The following ZNF528 variants were observed in gnomAD, a reference collection of about 807,000 sequenced individuals.
ZNF528 encodes the protein zinc finger protein 528.
A neutral mutation model predicts 13.3 loss-of-function variants in ZNF528; 9 were observed. The observed-to-expected ratio is 0.67, with a 90% CI of 0.41 to 1.18. ZNF528 has a LOEUF of 1.18. Among genes scored for constraint, ZNF528 ranks in the 50% most tolerant of loss-of-function variants. The pLI is 0.01. For missense variants in ZNF528, 858 were observed against 745.4 expected (o/e 1.15, Z -1.76); for synonymous variants, 264 against 254.3 (o/e 1.04, Z -0.36).
In ZNF528 at chr19:52,415,462, C is replaced by A; in HGVS notation, c.610C>A (p.Gln204Lys). Residue 204 changes from glutamine (Q) to lysine (K), a missense_variant, in exon 7 of 7, where the codon CAA becomes AAA. Physicochemically the swap from Gln to Lys is moderately conservative, Grantham distance 53. Coordinates refer to ENST00000360465, the MANE Select transcript of ZNF528 (RefSeq NM_032423.3). ...TAGAGCATCTGCAAGCCTTACTAAC[C>A]AAGTAATCCATAACGCAGATAATCC... ...VFRASASLTN[Q>K]VIHNADNPYK... 6.2e-7 allele frequency: 1 copy of A among 1,614,156 alleles called. No homozygotes were observed. Among genetic ancestry groups the A allele is most frequent in the Non-Finnish European group, 8.5e-7 (1 of 1,180,032 alleles).
At chr19:52,409,371 T>G (rs2058901038) in intron 6 of ZNF528, among the ~76,000 whole-genome samples, 1 of 151,712 alleles carries the variant, frequency 6.6e-6, no homozygotes, top group Non-Finnish European at 1.5e-5. Flanking sequence ...ATGCATGATA[T>G]TGGCTCACTG....
rs1568434953 is a variant in ZNF528, at chr19:52,417,856, T to TA, written c.*1118dup. 6.6e-6 allele frequency: 1 copy of TA among 152,212 alleles called. No individual in the cohort carries two copies. The highest frequency in any genetic ancestry group is 2.4e-5 in the African/African-American group (1 of 41,444). 9.4% of individuals were successfully genotyped at this position (152,212 alleles called of 1,614,324 possible). A position where few individuals can be genotyped will look rare whatever the true frequency, so the allele number is the denominator to read the frequency against. ...GTCTCCAACTCCTGACCTCAAGTGATATGTTCACCTCAGCCTCCCAAAGTG... is the reference window on the plus strand; with the variant it reads ...GTCTCCAACTCCTGACCTCAAGTGATAATGTTCACCTCAGCCTCCCAAAGTG... On this transcript the variant is annotated 3_prime_UTR_variant, in exon 7 of 7. Transcript: ENST00000360465.
At chr19:52,414,661 TTTG>T (rs2058976482) in intron 6 of ZNF528, 1 of 380,164 alleles carries the variant, frequency 2.6e-6, no homozygotes, top group Non-Finnish European at 5.0e-6. Context: ...TTCATGATAG[TTTG>T]TTGTTTGATC....
intron 6 of ZNF528, chr19:52,406,966 T>C (rs1439859178): frequency 3.1e-6 from 1 of 322,908 alleles, no homozygotes; most frequent in Non-Finnish European, 5.5e-6. Flanking sequence ...TTTTTGGAGA[T>C]AGGATCTCTC....
intron 6 of ZNF528, chr19:52,414,923 C>T (rs1011860369): frequency 6.6e-7 from 1 of 1,507,940 alleles, no homozygotes; most frequent in Non-Finnish European, 8.9e-7. Context: ...ACCCATAATT[C>T]TCTCGACTCC....
In ZNF528 at chr19:52,415,552, A is replaced by G. The variant is rs1275972700; in HGVS notation, c.700A>G (p.Met234Val). 6.2e-7 allele frequency: 1 copy of G among 1,614,186 alleles called. No homozygotes were observed. Among genetic ancestry groups the G allele is most frequent in the Non-Finnish European group, 8.5e-7 (1 of 1,180,042 alleles). ...CSSKLVIHRR[M>V]HTGEKPYKCH... ...TTCAAAGCTTGTGATACATCGAAGA[A>G]TGCATACTGGAGAGAAGCCTTACAA... The change falls in exon 7 of 7, where the codon ATG (methionine) becomes GTG (valine). Residue 234 changes from methionine to valine, a missense_variant. Physicochemically the swap from Met to Val is conservative, Grantham distance 21. Coordinates refer to ENST00000360465, the MANE Select transcript of ZNF528 (RefSeq NM_032423.3).
At position 52,416,612 on chromosome 19, in the gene ZNF528, C is replaced by G. The variant is rs1178134380; in HGVS notation, c.1760C>G (p.Thr587Ser). 2.5e-6 allele frequency: 4 copies of G among 1,614,062 alleles called. No homozygotes were observed. The highest frequency in any genetic ancestry group is 3.4e-6 in the Non-Finnish European group (4 of 1,180,030). ...TGTAAAGAATGTGGCAAGATCTTCA[C>G]TCAGAAGTCTTCCCTCACCAATCAC... ...HECKECGKIF[T>S]QKSSLTNHHR... The change falls in exon 7 of 7, where the codon ACT (threonine) becomes AGT (serine). Residue 587 changes from threonine to serine, a missense_variant. Coordinates refer to ENST00000360465, the MANE Select transcript of ZNF528 (RefSeq NM_032423.3).
chr19:52,414,467 C>T, intron 6 of ZNF528: 1 of 593,614 alleles, frequency 1.7e-6, no homozygotes, highest in Non-Finnish European at 3.0e-6. Flanking sequence ...GAGATGGTGG[C>T]AGGGGGAGGG....
In ZNF528 at chr19:52,416,563, C is replaced by A; in HGVS notation, c.1711C>A (p.His571Asn). ...AGGCCTTACTGCCCATCTTGCAATC[C>A]ATACTGAAAAGAAATCTCATGAGTG... Reference protein sequence around the residue: ...CSGLTAHLAIHTEKKSHECKE... With the variant: ...CSGLTAHLAINTEKKSHECKE... Residue 571 changes from histidine to asparagine, a missense_variant, in exon 7 of 7, where the codon CAT becomes AAT. Physicochemically the swap from His to Asn is moderately conservative, Grantham distance 68. Transcript: ENST00000360465. The A allele has an allele frequency of 6.2e-7, 1 of 1,614,182 alleles. No homozygotes were observed. Among genetic ancestry groups the A allele is most frequent in the Non-Finnish European group, 8.5e-7 (1 of 1,180,036 alleles).
intron 4 of ZNF528, among the ~76,000 whole-genome samples, chr19:52,404,113 C>G (rs1250835929): frequency 6.6e-6 from 1 of 152,170 alleles, no homozygotes. Context: ...AATGTCCAGA[C>G]ACCTGGGATC....
At chr19:52,405,759 G>A in intron 4 of ZNF528, 148 bp from the exon 5 acceptor site, 1 of 978,462 alleles carries the variant, frequency 1.0e-6, no homozygotes, top group East Asian at 2.8e-5. Flanking sequence ...CACAATTACA[G>A]ACACGTAACT....
chr19:52,415,891 C>T lies in ZNF528; in HGVS notation c.1039C>T (p.His347Tyr). Residue 347 changes from histidine (H) to tyrosine (Y), a missense_variant, in exon 7 of 7, where the codon CAT (histidine) becomes TAT (tyrosine). Physicochemically the swap from His to Tyr is moderately conservative, Grantham distance 83 (BLOSUM62 2). Coordinates refer to ENST00000360465, the MANE Select transcript of ZNF528 (RefSeq NM_032423.3). ...HSYLAEHQTV[H>Y]TGEKPYKCEE... The stretch of plus-strand genomic sequence containing the variant: ...ATATCTAGCAGAACATCAAACGGTT[C>T]ATACTGGTGAGAAACCTTACAAATG... 2 of 1,614,000 alleles carry T rather than the reference C, an allele frequency of 1.2e-6. No homozygotes were observed. Among genetic ancestry groups the T allele is most frequent in the South Asian group, 1.1e-5 (1 of 91,068 alleles).
intron 4 of ZNF528, among the ~76,000 whole-genome samples, chr19:52,404,327 C>A (rs144831650): frequency 0.011 from 1,688 of 150,200 alleles, 32 homozygotes; most frequent in African/African-American, 0.039. Flanking sequence ...TCCCGGGTTC[C>A]TGCGATTCTC....
intron 4 of ZNF528, among the ~76,000 whole-genome samples, chr19:52,405,691 A>T (rs1029617733): frequency 1.3e-5 from 2 of 150,706 alleles, no homozygotes; most frequent in African/African-American, 2.4e-5. Flanking sequence ...TCCAAAAATG[A>T]GACATCTACA....
In ZNF528 at chr19:52,415,292, C is replaced by T. The variant is rs753029876; in HGVS notation, c.440C>T (p.Pro147Leu). Residue 147 changes from proline (P) to leucine (L), a missense_variant, in exon 7 of 7, where the codon CCG (proline) becomes CTG (leucine). Pro to Leu is a moderately conservative substitution (Grantham distance 98). Coordinates refer to ENST00000360465, the MANE Select transcript of ZNF528 (RefSeq NM_032423.3). ...GTCAGTGACAATTCCTCAGTTTCAC[C>T]GCTTGAAAAAATTTCTTCCAGTGTC... Reference protein sequence around the residue: ...KPVSDNSSVSPLEKISSSVKS... With the variant: ...KPVSDNSSVSLLEKISSSVKS... 31 of 1,612,730 alleles carry T rather than the reference C, an allele frequency of 1.9e-5. No homozygotes were observed. The highest frequency in any genetic ancestry group is 1.6e-4 in the Middle Eastern group (1 of 6,080).
At chr19:52,401,418 G>A (rs1197729748) in intron 2 of ZNF528, among the ~76,000 whole-genome samples, 1 of 152,138 alleles carries the variant, frequency 6.6e-6, no homozygotes, top group East Asian at 1.9e-4. Flanking sequence ...TAAAATGAGT[G>A]AGGAAATAGA....
chr19:52,406,118 A>G lies in ZNF528; in HGVS notation c.142+85A>G, dbSNP rs939962086. The G allele has an allele frequency of 9.5e-6, 14 of 1,467,650 alleles. No individual in the cohort carries two copies. In the African/African-American group the frequency reaches 2.0e-4, roughly 21 times the overall value. The allele number at this position is 1,467,650 out of a possible 1,614,324, so 90.9% of individuals were successfully genotyped here. ...TTATATGCCTCTTGGGAGCTCCTGCATTGCTTGCCTGAGATTGAAACCATG... is the reference window on the plus strand; with the variant it reads ...TTATATGCCTCTTGGGAGCTCCTGCGTTGCTTGCCTGAGATTGAAACCATG... On this transcript the variant is annotated intron_variant, in intron 5 of 6. Coordinates refer to ENST00000360465, the MANE Select transcript of ZNF528 (RefSeq NM_032423.3).
Position 52,415,370 on chromosome 19 carries a change from T to G in ZNF528, c.518T>G (p.Leu173Arg), listed in dbSNP as rs781525871. Residue 173 changes from leucine (L) to arginine (R), a missense_variant, in exon 7 of 7, where the codon CTT becomes CGT. Physicochemically the swap from Leu to Arg is moderately radical, Grantham distance 102. Transcript: ENST00000360465. Reference sequence around the variant, plus strand: ...AATAATTTTGATCATGCTCCATTACTTCCACAAGAACAGAAAGCACACATT... The same window carrying G: ...AATAATTTTGATCATGCTCCATTACGTCCACAAGAACAGAAAGCACACATT... ...YRNNFDHAPL[L>R]PQEQKAHIRE... 9 of 1,613,628 alleles carry G rather than the reference T, an allele frequency of 5.6e-6. No individual in the cohort carries two copies. The Admixed American group carries it at 1.5e-4, about 27-fold the overall frequency.
chr19:52,406,804 T>G, intron 6 of ZNF528, 161 bp downstream of exon 6: 1 of 970,618 alleles, frequency 1.0e-6, no homozygotes, highest in Non-Finnish European at 1.4e-6. Flanking sequence ...TCCAAAGTGT[T>G]GGGATTACAG....
Sources: gnomAD v4.1 joint callset for allele counts (sites outside exome capture counted in the v4.1 genomes callset) on GRCh38, gnomAD v4.1.1 for gene constraint, MANE v1.5 for transcripts, NCBI Gene and HGNC (gene_info 2026-07-23, HGNC 2026-07-21) for gene names.